Variants in FXR1 observed in about 807,000 individuals in gnomAD.
The protein encoded by FXR1 is FMR1 autosomal homolog 1.
Under a neutral mutation model 84.0 loss-of-function variants are expected in FXR1, and 15 were observed. That is an observed-to-expected ratio of 0.18 (90% CI 0.12 to 0.27). FXR1 has a LOEUF of 0.27. Among genes scored for constraint, FXR1 ranks in the 10% least tolerant of loss-of-function variants. The pLI is 1.00. For synonymous variants in FXR1, 245 were observed against 250.7 expected (o/e 0.98, Z 0.21); for missense variants, 480 against 774.4 (o/e 0.62, Z 4.51).
intron 13 of FXR1, 121 bp from the exon 14 acceptor site, chr3:180,967,930 T>C: frequency 1.5e-6 from 1 of 658,154 alleles, no homozygotes; most frequent in East Asian, 2.7e-5. Context: ...TTCATGGATC[T>C]TTCTTTGAAG....
At chr3:180,972,061 A>G (rs1713651263) in intron 15 of FXR1, among the ~76,000 whole-genome samples, 1 of 152,248 alleles carries the variant, frequency 6.6e-6, no homozygotes, top group Non-Finnish European at 1.5e-5. Flanking sequence ...TTCATGTTTT[A>G]AAGATAGTTG....
chr3:180,932,227 T>G (rs1486437419), intron 1 of FXR1, among the ~76,000 whole-genome samples: 1 of 152,138 alleles, frequency 6.6e-6, no homozygotes, highest in African/African-American at 2.4e-5. Flanking sequence ...CATTTTTGTC[T>G]TACTTTGACC....
intron 10 of FXR1, among the ~76,000 whole-genome samples, chr3:180,959,678 A>C (rs1007225282): frequency 3.4e-5 from 5 of 146,680 alleles, no homozygotes; most frequent in Non-Finnish European, 7.5e-5. Flanking sequence ...ATGCCCTTTT[A>C]TCTGCTTGTG....
chr3:180,942,633 G>A (rs1721258620), intron 3 of FXR1, among the ~76,000 whole-genome samples: 2 of 152,060 alleles, frequency 1.3e-5, no homozygotes, highest in Admixed American at 1.3e-4. Context: ...TGATTAAAAT[G>A]AGTGCTATTG....
chr3:180,960,466 CGTT>C lies in FXR1; in HGVS notation c.991-998_991-996del, dbSNP rs1381418361. Among the ~76,000 whole-genome samples the C allele has an allele frequency of 4.6e-5, 7 of 152,126 alleles. No individual in the cohort carries two copies. The South Asian group carries it at 1.0e-3, about 23-fold the overall frequency. Reference sequence around the variant, plus strand: ...GTTTATAGACAGTTTGAAGGAAAATCGTTGTTTTTTGTTTCTGGAGACAGATTC... The same window carrying C: ...GTTTATAGACAGTTTGAAGGAAAATCGTTTTTTGTTTCTGGAGACAGATTC... On this transcript the variant is annotated intron_variant, in intron 10 of 16. Coordinates refer to ENST00000357559, the MANE Select transcript of FXR1 (RefSeq NM_005087.4).
At position 180,949,291 on chromosome 3, in the gene FXR1, G is replaced by A; in HGVS notation, c.578G>A (p.Arg193His). The part of the protein sequence containing the change: ...ILSDMHLRSI[R>H]TKLMLMSRNE... Reference sequence around the variant, plus strand: ...AGTGACATGCATTTGCGAAGTATTCGTACGAAGTTGATGCTTATGTCCAGA... The same window carrying A: ...AGTGACATGCATTTGCGAAGTATTCATACGAAGTTGATGCTTATGTCCAGA... The change falls in exon 7 of 17, where the codon CGT (arginine) becomes CAT (histidine). Residue 193 changes from arginine to histidine, a missense_variant. By Grantham distance (29) the Arg-to-His change is conservative. Around this residue, in one of 6 missense-constraint regions of FXR1, gnomAD observed 136 missense variants for 315.4 expected, o/e 0.43. Coordinates refer to ENST00000357559, the MANE Select transcript of FXR1 (RefSeq NM_005087.4). 1.2e-6 allele frequency: 2 copies of A among 1,603,164 alleles called. No individual in the cohort carries two copies. The highest frequency in any genetic ancestry group is 1.7e-6 in the Non-Finnish European group (2 of 1,169,950).
intron 1 of FXR1, among the ~76,000 whole-genome samples, chr3:180,925,187 C>A (rs1361363445): frequency 6.6e-6 from 1 of 151,870 alleles, no homozygotes; most frequent in Non-Finnish European, 1.5e-5. Flanking sequence ...ATGGTGAAAC[C>A]CTGTCTCTAC....
At chr3:180,974,733 T>G (rs1714012404) in intron 15 of FXR1, among the ~76,000 whole-genome samples, 1 of 152,114 alleles carries the variant, frequency 6.6e-6, no homozygotes, top group Admixed American at 6.6e-5. Flanking sequence ...TCATCTTTAG[T>G]TTGCTTGTAG....
chr3:180,946,362 A>G (rs1429487993), intron 3 of FXR1, among the ~76,000 whole-genome samples: 1 of 152,226 alleles, frequency 6.6e-6, no homozygotes, highest in African/African-American at 2.4e-5. Context: ...TTCAAGATAT[A>G]GGAAAAATAA....
intron 1 of FXR1, among the ~76,000 whole-genome samples, chr3:180,920,860 A>G (rs534630): frequency 0.25 from 38,473 of 152,026 alleles, 6,403 homozygotes; most frequent in African/African-American, 0.46. Flanking sequence ...TTCCATTTCA[A>G]AGAGAACTGT....
chr3:180,936,048 C>T (rs960894059), intron 3 of FXR1, among the ~76,000 whole-genome samples: 15 of 151,962 alleles, frequency 9.9e-5, no homozygotes, highest in Admixed American at 5.2e-4. Context: ...TGTGTCACCA[C>T]GCCTGGCTAA....
At chr3:180,967,177 T>C (rs1712937378) in intron 13 of FXR1, among the ~76,000 whole-genome samples, 1 of 152,152 alleles carries the variant, frequency 6.6e-6, no homozygotes, top group African/African-American at 2.4e-5. Flanking sequence ...ATTGCAGTTT[T>C]TGCCATTAAA....
intron 3 of FXR1, among the ~76,000 whole-genome samples, chr3:180,937,194 G>T (rs1054342717): frequency 6.6e-6 from 1 of 152,164 alleles, no homozygotes; most frequent in Non-Finnish European, 1.5e-5. Context: ...GTAAGCAAAA[G>T]TTAGGTCAAG....
Position 180,976,272 on chromosome 3 carries a change from G to A in FXR1, c.1846G>A (p.Val616Ile), listed in dbSNP as rs1714235326. ...LKEENTQEAAVLNGVS is the reference protein window; with the variant it reads ...LKEENTQEAAILNGVS ...AGAAGAAAACACTCAAGAAGCAGCA[G>A]TCCTGAATGGTGTTTCATAAACTGA... The change falls in exon 17 of 17, where the codon GTC (valine) becomes ATC (isoleucine). Residue 616 changes from valine to isoleucine, a missense_variant. Physicochemically the swap from Val to Ile is conservative, Grantham distance 29. Around this residue, in one of 6 missense-constraint regions of FXR1, gnomAD observed 94 missense variants for 81.8 expected, o/e 1.15. Transcript: ENST00000357559. 4 of 1,603,578 alleles carry A rather than the reference G, an allele frequency of 2.5e-6. No homozygotes were observed. The highest frequency in any genetic ancestry group is 2.6e-6 in the Non-Finnish European group (3 of 1,175,102).
intron 3 of FXR1, among the ~76,000 whole-genome samples, chr3:180,936,028 A>G (rs1291163930): frequency 6.6e-6 from 1 of 152,150 alleles, no homozygotes; most frequent in African/African-American, 2.4e-5. Context: ...AATAGCTGGA[A>G]CTACAGGCGT....
At chr3:180,952,486 A>C (rs1186612399) in intron 8 of FXR1, among the ~76,000 whole-genome samples, 1 of 152,028 alleles carries the variant, frequency 6.6e-6, no homozygotes, top group Non-Finnish European at 1.5e-5. Flanking sequence ...GAGTCCAGGA[A>C]TGAGAGGCTG....
At chr3:180,927,218 G>A (rs914759297) in intron 1 of FXR1, among the ~76,000 whole-genome samples, 3 of 151,992 alleles carry the variant, frequency 2.0e-5, no homozygotes, top group Non-Finnish European at 2.9e-5. Flanking sequence ...CATTTGGTTC[G>A]TAGTGATTTA....
Position 180,978,031 on chromosome 3 carries a change from G to C in FXR1, c.*1739G>C, listed in dbSNP as rs1331018166. 6.6e-6 allele frequency: 1 copy of C among 151,662 alleles called. No homozygotes were observed. Among genetic ancestry groups the C allele is most frequent in the African/African-American group, 2.4e-5 (1 of 41,280 alleles). The allele number at this position is 151,662 out of a possible 1,614,324, so 9.4% of individuals were successfully genotyped here. On this transcript the variant is annotated 3_prime_UTR_variant, in exon 17 of 17. Transcript: ENST00000357559. ...AAGATATCAAGTAATTTCATGTCCT[G>C]ATATTTAAAAAAATTACCCACAAAT...
chr3:180,956,967 C>A (rs1028727318), intron 9 of FXR1, among the ~76,000 whole-genome samples: 1 of 152,090 alleles, frequency 6.6e-6, no homozygotes, highest in Non-Finnish European at 1.5e-5. Context: ...GACTTGATAA[C>A]AAATATGCTG....
Sources: gnomAD v4.1 joint callset for allele counts (sites outside exome capture counted in the v4.1 genomes callset) on GRCh38, gnomAD v4.1.1 for gene constraint, gnomAD v4.1.1 regional missense constraint, MANE v1.5 for transcripts, NCBI Gene and HGNC (gene_info 2026-07-23, HGNC 2026-07-21) for gene names.